The following GRIK3 variants were observed in gnomAD, a reference collection of about 807,000 sequenced individuals.
The protein encoded by GRIK3 is glutamate ionotropic receptor kainate type subunit 3.
Under a neutral mutation model 102.5 loss-of-function variants are expected in GRIK3, and 29 were observed. The ratio of observed to expected loss-of-function variants is 0.28; its 90% confidence interval spans 0.21 to 0.39. The LOEUF (loss-of-function observed/expected upper bound fraction) is 0.39, where lower values mean the gene tolerates loss of function less well. GRIK3 is among the 10% of genes least tolerant of loss of function. The pLI is 1.00. For synonymous variants in GRIK3, 511 were observed against 504.9 expected (o/e 1.01, Z -0.16); for missense variants, 908 against 1,252.4 (o/e 0.73, Z 4.15).
At chr1:36,974,472 G>A (rs147293735) in intron 1 of GRIK3, among the ~76,000 whole-genome samples, 46 of 152,218 alleles carry the variant, frequency 3.0e-4, no homozygotes, top group African/African-American at 1.1e-3. Context: ...AAACAATGTG[G>A]TATAAACACA....
intron 1 of GRIK3, among the ~76,000 whole-genome samples, chr1:36,968,490 G>A (rs1214242416): frequency 6.6e-6 from 1 of 152,036 alleles, no homozygotes; most frequent in Non-Finnish European, 1.5e-5. Flanking sequence ...CCAAGATTAG[G>A]GAATGTTTTA....
At chr1:36,982,594 G>A (rs888017522) in intron 1 of GRIK3, among the ~76,000 whole-genome samples, 2 of 152,134 alleles carry the variant, frequency 1.3e-5, no homozygotes, top group African/African-American at 4.8e-5. Context: ...TTACTTAAGG[G>A]AAAAATCCCA....
chr1:37,011,192 C>G (rs894619324), intron 1 of GRIK3, among the ~76,000 whole-genome samples: 1 of 152,152 alleles, frequency 6.6e-6, no homozygotes, highest in Non-Finnish European at 1.5e-5. Flanking sequence ...CTCTGAAATC[C>G]TGGGTAAGAT....
At chr1:36,803,366 T>C (rs1642463157) in intron 15 of GRIK3, among the ~76,000 whole-genome samples, 1 of 152,158 alleles carries the variant, frequency 6.6e-6, no homozygotes, top group Admixed American at 6.5e-5. Flanking sequence ...GGCAGAGAAG[T>C]GGAGTAGACA....
rs1297553742 is a variant in GRIK3 at position 36,819,916 on chromosome 1, C to A, written c.1755-62G>T. On this transcript the variant is annotated intron_variant, in intron 11 of 15. Coordinates refer to ENST00000373091, the MANE Select transcript of GRIK3 (RefSeq NM_000831.4). The surrounding 1 kb of genome is among the most constrained non-coding windows in gnomAD (Gnocchi z 4.1). ...CAAGGGGCATCCACGCCCCAGCAGGCAGTGGTTTAGCAAACACAGCTGTGC... is the reference window on the plus strand; with the variant it reads ...CAAGGGGCATCCACGCCCCAGCAGGAAGTGGTTTAGCAAACACAGCTGTGC... 3 of 851,442 alleles carry A rather than the reference C, an allele frequency of 3.5e-6. No individual in the cohort carries two copies. In the African/African-American group the frequency reaches 5.0e-5, roughly 14 times the overall value. 52.7% of individuals were successfully genotyped at this position (851,442 alleles called of 1,614,324 possible). A position where few individuals can be genotyped will look rare whatever the true frequency, so the allele number is the denominator to read the frequency against.
At chr1:36,896,393 A>G (rs954710127) in intron 1 of GRIK3, among the ~76,000 whole-genome samples, 1 of 152,132 alleles carries the variant, frequency 6.6e-6, no homozygotes, top group African/African-American at 2.4e-5. Flanking sequence ...TTATTTTGTT[A>G]CTGTAAAATA....
In GRIK3 at chr1:36,975,383, C is replaced by A. The variant is rs560020854; in HGVS notation, c.115+58611G>T. Among the ~76,000 whole-genome samples, 23 of 150,442 alleles carry A rather than the reference C, an allele frequency of 1.5e-4. No individual in the cohort carries two copies. The South Asian group carries it at 4.6e-3, about 30-fold the overall frequency. On this transcript the variant is annotated intron_variant, in intron 1 of 15. Coordinates refer to ENST00000373091, the MANE Select transcript of GRIK3 (RefSeq NM_000831.4). ...GATCTCAGCTCACTGCAACCTCCAC[C>A]TCCTGGGCTTAAGTGATTCTCCTGC... is the stretch of plus-strand genomic sequence containing the variant.
intron 1 of GRIK3, among the ~76,000 whole-genome samples, chr1:36,959,899 ATGAGCCTGTGTGCCCTG>A (rs1641982620): frequency 3.0e-5 from 1 of 33,838 alleles, no homozygotes; most frequent in Non-Finnish European, 6.2e-5. Context: ...TCTGTGCCCC[ATGAGCCTGTGTGCCCTG>A]TGAGCCTGTG....
chr1:36,988,012 C>T (rs893075961), intron 1 of GRIK3, among the ~76,000 whole-genome samples: 3 of 152,090 alleles, frequency 2.0e-5, no homozygotes, highest in Non-Finnish European at 4.4e-5. Flanking sequence ...AGCCTGAGGC[C>T]GAGTATGGTG....
intron 1 of GRIK3, among the ~76,000 whole-genome samples, chr1:36,899,398 C>A (rs190721166): frequency 2.0e-5 from 3 of 152,136 alleles, no homozygotes; most frequent in Non-Finnish European, 4.4e-5. Flanking sequence ...GGACAGTAGG[C>A]TAAGTGAAAT....
At chr1:36,941,972 G>C (rs554445) in intron 1 of GRIK3, among the ~76,000 whole-genome samples, 113,423 of 152,130 alleles carry the variant, frequency 0.75, 43,445 homozygotes, top group African/African-American at 0.93. Context: ...GAGGCTAACT[G>C]CAGGCCATGG....
intron 8 of GRIK3, among the ~76,000 whole-genome samples, chr1:36,852,296 C>T (rs1035025030): frequency 1.3e-5 from 2 of 152,178 alleles, no homozygotes; most frequent in South Asian, 2.1e-4. Flanking sequence ...TAACTGTGGC[C>T]ACAGGTACAA....
intron 1 of GRIK3, among the ~76,000 whole-genome samples, chr1:36,965,434 G>A (rs1299306164): frequency 2.6e-5 from 4 of 152,130 alleles, no homozygotes; most frequent in East Asian, 1.9e-4. Context: ...CTGCCTTTGC[G>A]TGGGGGAAAA....
intron 1 of GRIK3, among the ~76,000 whole-genome samples, chr1:36,942,033 G>A (rs1381848111): frequency 6.6e-6 from 1 of 152,192 alleles, no homozygotes; most frequent in Non-Finnish European, 1.5e-5. Flanking sequence ...ATAATCTACA[G>A]GGCCAAGCAC....
intron 1 of GRIK3, among the ~76,000 whole-genome samples, chr1:36,971,943 A>G (rs534187826): frequency 1.3e-5 from 2 of 152,312 alleles, no homozygotes; most frequent in South Asian, 4.1e-4. Flanking sequence ...CTCTCTGTGA[A>G]GTGCTTCTGC....
At chr1:36,907,797 A>G (rs1480197010) in intron 1 of GRIK3, among the ~76,000 whole-genome samples, 1 of 152,086 alleles carries the variant, frequency 6.6e-6, no homozygotes, top group African/African-American at 2.4e-5. Flanking sequence ...AGCAGCAAAT[A>G]TTGAGGGGCA....
At chr1:36,962,914 G>A (rs7417367) in intron 1 of GRIK3, among the ~76,000 whole-genome samples, 3,115 of 150,108 alleles carry the variant, frequency 0.021, 98 homozygotes, top group African/African-American at 0.071. Flanking sequence ...GAGGAAGGAA[G>A]GAAAGAGAAA....
At chr1:36,928,238 A>G (rs1243071185) in intron 1 of GRIK3, among the ~76,000 whole-genome samples, 2 of 152,210 alleles carry the variant, frequency 1.3e-5, no homozygotes, top group Non-Finnish European at 2.9e-5. Context: ...TAAATTTACC[A>G]GCTCTATTCT....
At chr1:36,845,241 A>T (rs1191010453) in intron 9 of GRIK3, among the ~76,000 whole-genome samples, 1 of 152,150 alleles carries the variant, frequency 6.6e-6, no homozygotes, top group Non-Finnish European at 1.5e-5. Context: ...GCCAATTCAC[A>T]AGCTCTCTCG....
Sources: gnomAD v4.1 joint callset for allele counts (sites outside exome capture counted in the v4.1 genomes callset) on GRCh38, gnomAD v4.1.1 for gene constraint, Gnocchi (gnomAD v3.1) non-coding constraint, MANE v1.5 for transcripts, NCBI Gene and HGNC (gene_info 2026-07-23, HGNC 2026-07-21) for gene names.